ANO2: variants seen among roughly 807,000 people sequenced by gnomAD.
The protein encoded by ANO2 is anoctamin-2.
Under a neutral mutation model 124.2 loss-of-function variants are expected in ANO2, and 101 were observed. The ratio of observed to expected loss-of-function variants is 0.81; its 90% CI spans 0.69 to 0.96. The LOEUF (loss-of-function observed/expected upper bound fraction) is 0.96, where lower values mean the gene tolerates loss of function less well. Ranked by LOEUF, ANO2 falls within the 40% of genes least tolerant of loss-of-function variation. ANO2 has a pLI of 0.00. For missense variants in ANO2, 1,293 were observed against 1,274.5 expected (o/e 1.01, Z -0.22); for synonymous variants, 486 against 482.5 (o/e 1.01, Z -0.09).
intron 16 of ANO2, among the ~76,000 whole-genome samples, chr12:5,621,092 G>A (rs182121616): frequency 1.3e-5 from 2 of 152,102 alleles, no homozygotes; most frequent in Admixed American, 6.5e-5. Flanking sequence ...GGTCACTTTC[G>A]GTTTCGAGAT....
intron 3 of ANO2, among the ~76,000 whole-genome samples, chr12:5,868,972 A>C (rs1955502848): frequency 6.6e-6 from 1 of 152,250 alleles, no homozygotes; most frequent in Non-Finnish European, 1.5e-5. Flanking sequence ...AGGAACTCCA[A>C]CTGTGGGGAA....
chr12:5,792,709 T>C (rs778393858), intron 10 of ANO2, among the ~76,000 whole-genome samples: 8 of 152,198 alleles, frequency 5.3e-5, no homozygotes, highest in Non-Finnish European at 1.0e-4. Context: ...TTTCCATATG[T>C]TGTTTTCCTA....
At chr12:5,566,710 C>G (rs757912948) in intron 23 of ANO2, among the ~76,000 whole-genome samples, 5 of 152,202 alleles carry the variant, frequency 3.3e-5, no homozygotes, top group Admixed American at 6.5e-5. Context: ...CATCCTCAGG[C>G]AGGCATTGTT....
chr12:5,789,320 T>TA (rs778307828), intron 10 of ANO2, among the ~76,000 whole-genome samples: 5 of 152,344 alleles, frequency 3.3e-5, no homozygotes, highest in Non-Finnish European at 2.9e-5. Flanking sequence ...GCCATTTTGT[T>TA]AGAGTTGATG....
intron 16 of ANO2, among the ~76,000 whole-genome samples, chr12:5,622,832 T>C (rs541666859): frequency 1.4e-4 from 21 of 151,838 alleles, no homozygotes; most frequent in African/African-American, 5.1e-4. Context: ...GGCGTGGTGG[T>C]ATGCAGCTAC....
chr12:5,835,937 C>T (rs1222910213), intron 4 of ANO2, among the ~76,000 whole-genome samples: 1 of 152,192 alleles, frequency 6.6e-6, no homozygotes, highest in Non-Finnish European at 1.5e-5. Flanking sequence ...AGGCACCTGA[C>T]CTGCACTGAG....
At position 5,816,921 on chromosome 12, in the gene ANO2, C is replaced by T. The variant is rs897530777; in HGVS notation, c.893-9553G>A. Among the ~76,000 whole-genome samples, 8 of 152,176 alleles carry T rather than the reference C, an allele frequency of 5.3e-5. No homozygotes were observed. The South Asian group carries it at 1.4e-3, about 28-fold the overall frequency. On this transcript the variant is annotated intron_variant, in intron 7 of 24. Transcript: ENST00000682330. Reference sequence around the variant, plus strand: ...TGCTAAACTCAGCTTGGCATCCCTCCGTTTCTCTAACATCATTTGACACAT... The same window carrying T: ...TGCTAAACTCAGCTTGGCATCCCTCTGTTTCTCTAACATCATTTGACACAT...
intron 13 of ANO2, among the ~76,000 whole-genome samples, chr12:5,733,495 A>G (rs141714165): frequency 2.6e-5 from 4 of 152,350 alleles, no homozygotes; most frequent in Non-Finnish European, 5.9e-5. Context: ...ATGTTCCTGC[A>G]TCGTTTATCG....
rs919815406 is a variant in ANO2, at chr12:5,925,318, C to T, written c.23-2514G>A. 3.3e-5 allele frequency among the ~76,000 whole-genome samples: 5 copies of T among 152,214 alleles called. No individual in the cohort carries two copies. The highest frequency in any genetic ancestry group is 7.3e-5 in the Non-Finnish European group (5 of 68,030). On this transcript the variant is annotated intron_variant, in intron 1 of 24. Coordinates refer to ENST00000682330, the MANE Select transcript of ANO2 (RefSeq NM_001364791.2). This position sits in a 1 kb window ranked among gnomAD's most constrained non-coding sequence, Gnocchi z 4.6. Reference sequence around the variant, plus strand: ...TAAAGGTGCCACCTGGAGTTTGAGGCTGACATTCAGGGCCCTCACTAGCCA... The same window carrying T: ...TAAAGGTGCCACCTGGAGTTTGAGGTTGACATTCAGGGCCCTCACTAGCCA...
chr12:5,923,116 ACG>A (rs1184709189), intron 1 of ANO2, among the ~76,000 whole-genome samples: 2 of 62,702 alleles, frequency 3.2e-5, no homozygotes, highest in African/African-American at 4.3e-5. Context: ...ACACACATGC[ACG>A]CACACACACC....
chr12:5,909,963 C>T (rs953557938), intron 3 of ANO2, among the ~76,000 whole-genome samples: 1 of 151,988 alleles, frequency 6.6e-6, no homozygotes, highest in African/African-American at 2.4e-5. Flanking sequence ...AATAATTATC[C>T]GAGGCAACAA....
chr12:5,861,666 C>T (rs1168159857), intron 3 of ANO2, among the ~76,000 whole-genome samples: 4 of 152,154 alleles, frequency 2.6e-5, no homozygotes, highest in African/African-American at 7.2e-5. Flanking sequence ...AGCTGCAGCA[C>T]ATCGGCGCCC....
intron 3 of ANO2, among the ~76,000 whole-genome samples, chr12:5,857,901 G>C (rs1266139573): frequency 6.6e-6 from 1 of 152,192 alleles, no homozygotes; most frequent in East Asian, 1.9e-4. Flanking sequence ...AGGACATCAT[G>C]TTAAGTGAAA....
At chr12:5,640,476 C>T (rs959651957) in intron 15 of ANO2, among the ~76,000 whole-genome samples, 6 of 151,934 alleles carry the variant, frequency 3.9e-5, no homozygotes, top group South Asian at 2.1e-4. Context: ...TGCAATCTGC[C>T]CATCTGACAA....
intron 14 of ANO2, among the ~76,000 whole-genome samples, chr12:5,709,590 G>A (rs553783467): frequency 3.9e-5 from 6 of 152,276 alleles, no homozygotes; most frequent in East Asian, 1.9e-4. Context: ...GGTAAGCCAC[G>A]GGAAGCAGGA....
chr12:5,926,815 T>C (rs922672321), intron 1 of ANO2, among the ~76,000 whole-genome samples: 2 of 152,192 alleles, frequency 1.3e-5, no homozygotes, highest in East Asian at 3.8e-4. Context: ...CCATGTGATG[T>C]TGCCGGAGGA....
chr12:5,798,795 C>T (rs3782654), intron 10 of ANO2, among the ~76,000 whole-genome samples: 10,632 of 152,316 alleles, frequency 0.07, 408 homozygotes, highest in Middle Eastern at 0.095. Context: ...CTCACGTCTC[C>T]AGACTCTCAG....
chr12:5,604,971 C>T (rs1371220540), intron 19 of ANO2, among the ~76,000 whole-genome samples: 2 of 151,750 alleles, frequency 1.3e-5, no homozygotes, highest in Non-Finnish European at 1.5e-5. Context: ...AAACTCTTTC[C>T]GGAAGGCTCA....
At chr12:5,837,182 C>G (rs1954347046) in intron 4 of ANO2, among the ~76,000 whole-genome samples, 1 of 152,050 alleles carries the variant, frequency 6.6e-6, no homozygotes. Context: ...CTACCAAGTG[C>G]AAAGGCACCC....
Sources: allele counts gnomAD v4.1 joint callset (sites outside exome capture counted in the v4.1 genomes callset), GRCh38; gene constraint gnomAD v4.1.1; non-coding constraint Gnocchi (gnomAD v3.1); transcripts MANE v1.5; gene names NCBI Gene and HGNC (gene_info 2026-07-23, HGNC 2026-07-21).